Variants in ARHGEF10 observed in about 807,000 individuals in gnomAD.
The protein encoded by ARHGEF10 is Rho guanine nucleotide exchange factor (GEF) 10.
Under a neutral mutation model 147.4 loss-of-function variants are expected in ARHGEF10, and 140 were observed. The observed-to-expected ratio is 0.95, with a 90% CI of 0.83 to 1.09. ARHGEF10 has a LOEUF of 1.09. Ranked by LOEUF, ARHGEF10 falls within the 50% of genes least tolerant of loss-of-function variation. The pLI, the probability that ARHGEF10 is intolerant of heterozygous loss-of-function variation, is 0.00. For synonymous variants in ARHGEF10, 902 were observed against 695.8 expected, an observed-to-expected ratio of 1.30 and a Z score of -4.67; for missense variants, 2,222 against 1,752.7, an observed-to-expected ratio of 1.27 and a Z score of -4.78.
intron 11 of ARHGEF10, among the ~76,000 whole-genome samples, chr8:1,888,940 A>C (rs1212352961): frequency 1.9e-4 from 9 of 46,176 alleles, no homozygotes; most frequent in Non-Finnish European, 3.8e-4. Context: ...GGGGTCTGTG[A>C]CGAGACACTG....
intron 27 of ARHGEF10, among the ~76,000 whole-genome samples, chr8:1,946,388 A>G (rs182610848): frequency 7.2e-4 from 110 of 152,326 alleles, no homozygotes; most frequent in African/African-American, 2.5e-3. Flanking sequence ...CTGGCTTACA[A>G]GCCAGAGAGG....
intron 9 of ARHGEF10, among the ~76,000 whole-genome samples, chr8:1,881,517 G>A (rs994587891): frequency 9.2e-5 from 14 of 152,234 alleles, no homozygotes; most frequent in Non-Finnish European, 1.9e-4. Context: ...GGAAATGGCA[G>A]CAGGACATGG....
chr8:1,823,453 G>GTC (rs1563135832), upstream of ARHGEF10, among the ~76,000 whole-genome samples: 11 of 73,164 alleles, frequency 1.5e-4, no homozygotes, highest in Non-Finnish European at 2.9e-4. Context: ...ATGTTCTGGG[G>GTC]GGGGGAGCGT....
Position 1,905,708 on chromosome 8 carries a change from C to T in ARHGEF10, c.1959C>T (p.Val653=). 1 of 1,613,870 alleles carries T rather than the reference C, an allele frequency of 6.2e-7. No individual in the cohort carries two copies. The highest frequency in any genetic ancestry group is 8.5e-7 in the Non-Finnish European group (1 of 1,180,036). The change falls in exon 17 of 29, where the codon GTC becomes GTT. Residue 653 remains valine (V), a synonymous_variant. Transcript: ENST00000349830. ...ATGATGTGTTAATGTGTGCCACCGT[C>T]AGCTCACGGTAAGTGCATAAATTCT... ...MLNDVLMCAT[V]SSRPSHDSRV...
chr8:1,866,401 T>G (rs1189183421), intron 5 of ARHGEF10, 125 bp from the exon 6 acceptor site: 7 of 819,870 alleles, frequency 8.5e-6, no homozygotes, highest in Non-Finnish European at 1.4e-5. Flanking sequence ...TCCTGTATAG[T>G]AACATATATA....
intron 9 of ARHGEF10, among the ~76,000 whole-genome samples, chr8:1,882,248 G>A (rs867675): frequency 2.0e-5 from 3 of 152,238 alleles, no homozygotes; most frequent in Non-Finnish European, 4.4e-5. Flanking sequence ...GGGAAGCCCC[G>A]GGGAGGTTAA....
At chr8:1,881,449 C>T (rs1394591217) in intron 9 of ARHGEF10, among the ~76,000 whole-genome samples, 3 of 152,154 alleles carry the variant, frequency 2.0e-5, no homozygotes, top group Non-Finnish European at 2.9e-5. Flanking sequence ...AACGCGCAGG[C>T]GGGCAGGGCT....
At chr8:1,903,143 C>T (rs759857302) in intron 15 of ARHGEF10, 138 bp from the exon 16 acceptor site, 13 of 1,136,784 alleles carry the variant, frequency 1.1e-5, no homozygotes, top group Non-Finnish European at 1.7e-5. Context: ...TCATCCCTTC[C>T]CAAGAACTGA....
At chr8:1,929,591 C>G (rs910406367) in intron 25 of ARHGEF10, 148 bp downstream of exon 25, 2 of 931,060 alleles carry the variant, frequency 2.1e-6, no homozygotes, top group East Asian at 5.5e-5. Context: ...GCCCAAGGCC[C>G]GGGTGCCTTG....
chr8:1,909,703 C>T (rs1004068773), intron 18 of ARHGEF10, among the ~76,000 whole-genome samples: 2 of 152,206 alleles, frequency 1.3e-5, no homozygotes, highest in African/African-American at 4.8e-5. Flanking sequence ...GGGTTCGGGC[C>T]GTGCACCTGG....
At position 1,949,848 on chromosome 8, in the gene ARHGEF10, G is replaced by A. The variant is rs558034250; in HGVS notation, c.3398-2857G>A. The stretch of plus-strand genomic sequence containing the variant: ...GCCTGTCCTTTGTTTTATGTTCCAG[G>A]CTGGGAAGAGCAGAGGGCGAATCCC... On this transcript the variant is annotated intron_variant, in intron 27 of 28. Coordinates refer to ENST00000349830, the MANE Select transcript of ARHGEF10 (RefSeq NM_014629.4). Among the ~76,000 whole-genome samples the A allele has an allele frequency of 2.6e-5, 4 of 152,216 alleles. No individual in the cohort carries two copies. In the East Asian group the frequency reaches 5.8e-4, roughly 22 times the overall value.
At chr8:1,925,174 T>C in intron 21 of ARHGEF10, 109 bp from the exon 22 acceptor site, 1 of 1,370,020 alleles carries the variant, frequency 7.3e-7, no homozygotes, top group Admixed American at 1.8e-5. Context: ...TGTCTGGCCC[T>C]GTACAAACAG....
chr8:1,899,815 G>C (rs201123415), intron 15 of ARHGEF10, among the ~76,000 whole-genome samples: 1 of 152,250 alleles, frequency 6.6e-6, no homozygotes, highest in Non-Finnish European at 1.5e-5. Flanking sequence ...AGCCACAGAC[G>C]TGATGAATGA....
intron 4 of ARHGEF10, 84 bp from the exon 5 acceptor site, chr8:1,864,289 A>C: frequency 1.4e-6 from 2 of 1,391,436 alleles, no homozygotes; most frequent in Non-Finnish European, 2.0e-6. Context: ...GAAAGTGTGA[A>C]ACCATTTTTA....
At chr8:1,844,658 T>TG in intron 2 of ARHGEF10, among the ~76,000 whole-genome samples, 1 of 152,086 alleles carries the variant, frequency 6.6e-6, no homozygotes, top group Non-Finnish European at 1.5e-5. Flanking sequence ...GCTTCTCTTC[T>TG]GGGGGTGACG....
chr8:1,840,035 GTGGAAGCTGTCCGATA>G (rs1803891725), intron 1 of ARHGEF10, among the ~76,000 whole-genome samples: 2 of 145,240 alleles, frequency 1.4e-5, no homozygotes, highest in African/African-American at 2.7e-5. Flanking sequence ...ACTGTCCTGT[GTGGAAGCTGTCCGATA>G]TGGGGACTGT....
Position 1,864,353 on chromosome 8 carries a change from C to T in ARHGEF10, c.482-20C>T, listed in dbSNP as rs755031899. ...TTTTGTCAGGCGTAAAGCAGCATCA[C>T]ATATTTTCTTTCCCAGCAGAAACAC... On this transcript the variant is annotated intron_variant, in intron 4 of 28. Coordinates refer to ENST00000349830, the MANE Select transcript of ARHGEF10 (RefSeq NM_014629.4). 9 of 1,613,644 alleles carry T rather than the reference C, an allele frequency of 5.6e-6. No homozygotes were observed. The highest frequency in any genetic ancestry group is 7.6e-6 in the Non-Finnish European group (9 of 1,179,596).
intron 24 of ARHGEF10, 60 bp from the exon 25 acceptor site, chr8:1,929,226 C>A: frequency 1.3e-6 from 2 of 1,547,630 alleles, no homozygotes. Context: ...TGTTAACAGG[C>A]ACCCTCGTTC....
intron 15 of ARHGEF10, among the ~76,000 whole-genome samples, chr8:1,901,581 G>C (rs114032552): frequency 6.6e-6 from 1 of 152,214 alleles, no homozygotes; most frequent in African/African-American, 2.4e-5. Flanking sequence ...TAACAGCAGC[G>C]AGAAACTTCA....
Sources: allele counts gnomAD v4.1 joint callset (sites outside exome capture counted in the v4.1 genomes callset), GRCh38; gene constraint gnomAD v4.1.1; transcripts MANE v1.5; gene names NCBI Gene and HGNC (gene_info 2026-07-23, HGNC 2026-07-21).